Variants in TTLL8 observed in about 807,000 individuals in gnomAD.
TTLL8 encodes protein monoglycylase TTLL8.
In TTLL8, 65 loss-of-function variants were observed where a neutral mutation model predicts 77.8. That is an observed-to-expected ratio of 0.84 (90% CI 0.68 to 1.03). The LOEUF (loss-of-function observed/expected upper bound fraction) is 1.03. Among genes scored for constraint, TTLL8 ranks in the 50% least tolerant of loss-of-function variants. TTLL8 has a pLI of 0.00. For missense variants in TTLL8, 910 were observed against 1,004.5 expected, an observed-to-expected ratio of 0.91 and a Z score of 1.27; for synonymous variants, 402 against 422.8, an observed-to-expected ratio of 0.95 and a Z score of 0.60.
chr22:50,054,314 G>C (rs930470560), intron 1 of TTLL8, among the ~76,000 whole-genome samples: 2 of 152,076 alleles, frequency 1.3e-5, no homozygotes, highest in African/African-American at 4.8e-5. Flanking sequence ...CAGAACACGA[G>C]AGCCTTCCTT....
At chr22:50,035,739 G>A (rs1317013385) in intron 8 of TTLL8, among the ~76,000 whole-genome samples, 1 of 152,216 alleles carries the variant, frequency 6.6e-6, no homozygotes, top group African/African-American at 2.4e-5. Flanking sequence ...CACCATGTTG[G>A]TCACTGCCAA....
intron 3 of TTLL8, among the ~76,000 whole-genome samples, chr22:50,048,853 G>A (rs567643995): frequency 5.0e-4 from 76 of 152,336 alleles, no homozygotes; most frequent in Non-Finnish European, 8.5e-4. Flanking sequence ...CTGGGGAGGT[G>A]GGGAGGCACA....
At position 50,041,177 on chromosome 22, in the gene TTLL8, C is replaced by A. The variant is rs763730008; in HGVS notation, c.921+10G>T. The A allele has an allele frequency of 9.3e-6, 4 of 431,212 alleles. No individual in the cohort carries two copies. The highest frequency in any genetic ancestry group is 1.8e-5 in the Non-Finnish European group (4 of 218,612). 26.7% of individuals were successfully genotyped at this position (431,212 alleles called of 1,614,324 possible). ...GCAGGTGCCCCAGTGGAGAGACAGA[C>A]AAACCCCACCTGCCTGTCTCGGGCT... On this transcript the variant is annotated intron_variant, in intron 8 of 13. Transcript: ENST00000266182. The surrounding 1 kb of genome is among the most constrained non-coding windows in gnomAD (Gnocchi z 4.3).
chr22:50,033,493 G>T, intron 9 of TTLL8, 48 bp from the exon 11 acceptor site: 1 of 1,327,606 alleles, frequency 7.5e-7, no homozygotes. Context: ...ACTGTGCAGC[G>T]GGACCTGAGC....
At chr22:50,039,546 C>G (rs1569228041) in intron 8 of TTLL8, among the ~76,000 whole-genome samples, 2 of 152,242 alleles carry the variant, frequency 1.3e-5, no homozygotes, top group Non-Finnish European at 2.9e-5. Context: ...GCATTATAAT[C>G]AAACTGTTGA....
At chr22:50,045,077 C>T (rs1207513194) in intron 6 of TTLL8, 178 bp downstream of exon 8, 3 of 522,046 alleles carry the variant, frequency 5.7e-6, no homozygotes, top group African/African-American at 4.1e-5. Context: ...TGACGTTTAG[C>T]CCCACGGTTA....
intron 12 of TTLL8, among the ~76,000 whole-genome samples, chr22:50,022,449 T>C (rs1219842791): frequency 2.0e-5 from 3 of 147,714 alleles, no homozygotes; most frequent in African/African-American, 7.6e-5. Flanking sequence ...CTCCATCTGA[T>C]GATGTGTACT....
chr22:50,037,559 G>A (rs1381274905), intron 8 of TTLL8, among the ~76,000 whole-genome samples: 1 of 152,104 alleles, frequency 6.6e-6, no homozygotes, highest in African/African-American at 2.4e-5. Context: ...TAATTTTTGT[G>A]TATTTGTGAA....
chr22:50,050,601 G>C (rs1015752168), intron 1 of TTLL8, among the ~76,000 whole-genome samples: 3 of 152,018 alleles, frequency 2.0e-5, no homozygotes, highest in African/African-American at 7.2e-5. Flanking sequence ...AGGAGAGAAA[G>C]AGCAAAAAGT....
chr22:50,022,733 T>C (rs1244112887), intron 12 of TTLL8, among the ~76,000 whole-genome samples: 2 of 152,228 alleles, frequency 1.3e-5, no homozygotes, highest in African/African-American at 4.8e-5. Context: ...CAGGTCCATG[T>C]AGGTGTGGAG....
chr22:50,047,227 T>A (rs752800598), exon 4 of TTLL8: 1 of 1,367,678 alleles, frequency 7.3e-7, no homozygotes, highest in Non-Finnish European at 9.8e-7. Flanking sequence ...TAGGTCAGGC[T>A]GTGATAGTCA....
intron 3 of TTLL8, among the ~76,000 whole-genome samples, chr22:50,048,879 G>T: frequency 6.6e-6 from 1 of 152,202 alleles, no homozygotes; most frequent in Middle Eastern, 3.2e-3. Context: ...CTGTGTTGCT[G>T]GAGACAGGAG....
At position 50,041,131 on chromosome 22, in the gene TTLL8, C is replaced by A; in HGVS notation, c.921+56G>T. 2.7e-6 allele frequency: 1 copy of A among 373,680 alleles called. No individual in the cohort carries two copies. Among genetic ancestry groups the A allele is most frequent in the Non-Finnish European group, 5.3e-6 (1 of 187,666 alleles). The allele number at this position is 373,680 out of a possible 1,614,324, so 23.1% of individuals were successfully genotyped here. A position where few individuals can be genotyped will look rare whatever the true frequency, so the allele number is the denominator to read the frequency against. On this transcript the variant is annotated intron_variant, in intron 8 of 13. Coordinates refer to ENST00000266182, the Ensembl canonical transcript of TTLL8. The surrounding 1 kb of genome is among the most constrained non-coding windows in gnomAD (Gnocchi z 4.3). ...GGCCCAGGCACACCTCTGCCAGTCA[C>A]TCACCAACACCAAGAGTGAGGCAGG...
intron 12 of TTLL8, among the ~76,000 whole-genome samples, chr22:50,020,862 CGACGTGCACTCCTCCATCT>C (rs545422930): frequency 0.02 from 2,670 of 132,520 alleles, 32 homozygotes; most frequent in South Asian, 0.04. Context: ...CTACATCTGA[CGACGTGCACTCCTCCATCT>C]GACGTGCACT....
intron 12 of TTLL8, among the ~76,000 whole-genome samples, chr22:50,022,616 G>A (rs984020845): frequency 6.6e-5 from 10 of 150,750 alleles, no homozygotes; most frequent in East Asian, 2.0e-4. Context: ...CATCTGATGC[G>A]CATTCCTCCA....
intron 8 of TTLL8, among the ~76,000 whole-genome samples, chr22:50,040,997 G>A (rs1456476438): frequency 1.3e-5 from 2 of 152,296 alleles, no homozygotes; most frequent in East Asian, 1.9e-4. Flanking sequence ...GAGAGTCAGC[G>A]AGCCAGGAGC....
intron 1 of TTLL8, among the ~76,000 whole-genome samples, chr22:50,053,282 G>A (rs2061453947): frequency 6.7e-6 from 1 of 149,334 alleles, no homozygotes; most frequent in Non-Finnish European, 1.5e-5. Context: ...AAAATGTTAG[G>A]CGTAAAGCAA....
Position 50,041,978 on chromosome 22 carries a change from C to T in TTLL8, c.644-171G>A, listed in dbSNP as rs2061374544. On this transcript the variant is annotated intron_variant, in intron 6 of 13. Transcript: ENST00000266182. The surrounding 1 kb of genome is among the most constrained non-coding windows in gnomAD (Gnocchi z 4.3). ...ACAGGCACCCCAATACCCAACCAAG[C>T]TTCTCTGGGCAACCGCCCTGGATGT... Among the ~76,000 whole-genome samples the T allele has an allele frequency of 6.6e-6, 1 of 152,206 alleles. No homozygotes were observed.
intron 8 of TTLL8, among the ~76,000 whole-genome samples, chr22:50,039,618 C>T (rs148422803): frequency 2.0e-3 from 309 of 152,356 alleles, no homozygotes; most frequent in Non-Finnish European, 2.1e-3. Context: ...TCAAAAGGAA[C>T]AAAACTCGTA....
Sources: allele counts gnomAD v4.1 joint callset (sites outside exome capture counted in the v4.1 genomes callset), GRCh38; gene constraint gnomAD v4.1.1; non-coding constraint Gnocchi (gnomAD v3.1); transcripts MANE v1.5; gene names NCBI Gene and HGNC (gene_info 2026-07-23, HGNC 2026-07-21).